The following USP54 variants were observed in gnomAD, a reference collection of about 807,000 sequenced individuals.
USP54 encodes ubiquitin carboxyl-terminal hydrolase 54.
USP54 carries 87 observed loss-of-function variants against 170.5 expected under a neutral mutation model. The observed-to-expected ratio is 0.51, with a 90% CI of 0.43 to 0.61. The LOEUF (loss-of-function observed/expected upper bound fraction) is 0.61. USP54 is among the 20% of genes least tolerant of loss of function. The pLI, the probability that USP54 is intolerant of heterozygous loss-of-function variation, is 0.00. For missense variants in USP54, 1,786 were observed against 2,047.8 expected, an observed-to-expected ratio of 0.87 and a Z score of 2.47; for synonymous variants, 655 against 742.8, an observed-to-expected ratio of 0.88 and a Z score of 1.92.
At chr10:73,564,328 C>G (rs909927638) in intron 4 of USP54, among the ~76,000 whole-genome samples, 3 of 152,136 alleles carry the variant, frequency 2.0e-5, no homozygotes, top group African/African-American at 7.2e-5. Context: ...ACTTTTGGTA[C>G]GGTATGAAAT....
intron 1 of USP54, among the ~76,000 whole-genome samples, chr10:73,606,751 C>T (rs1367539728): frequency 1.3e-5 from 2 of 151,746 alleles, no homozygotes; most frequent in Non-Finnish European, 2.9e-5. Flanking sequence ...TGGTGGCGGG[C>T]ACCTGCAGTC....
chr10:73,600,703 T>C (rs902363019), intron 1 of USP54, among the ~76,000 whole-genome samples: 2 of 152,104 alleles, frequency 1.3e-5, no homozygotes, highest in African/African-American at 4.8e-5. Context: ...CACCTGAGGT[T>C]AAGAGTTCGA....
intron 1 of USP54, among the ~76,000 whole-genome samples, chr10:73,590,313 C>T (rs531894672): frequency 5.3e-5 from 8 of 152,196 alleles, no homozygotes; most frequent in South Asian, 2.1e-4. Flanking sequence ...CATTACTGTA[C>T]GAATACAACC....
intron 4 of USP54, among the ~76,000 whole-genome samples, chr10:73,564,832 G>A (rs911441690): frequency 1.3e-5 from 2 of 151,126 alleles, no homozygotes; most frequent in African/African-American, 2.4e-5. Context: ...AGAGGCCAAG[G>A]TGGGAAGATG....
chr10:73,622,473 A>G (rs1479774570), intron 1 of USP54, among the ~76,000 whole-genome samples: 1 of 151,962 alleles, frequency 6.6e-6, no homozygotes, highest in Non-Finnish European at 1.5e-5. Context: ...ACTGGCAGGC[A>G]TCACCATGCC....
rs987495823 is a variant in USP54, at chr10:73,523,702, A to G, written c.2243T>C (p.Val748Ala). 2.5e-6 allele frequency: 4 copies of G among 1,613,552 alleles called. No individual in the cohort carries two copies. Among genetic ancestry groups the G allele is most frequent in the African/African-American group, 1.3e-5 (1 of 74,952 alleles). The change falls in exon 17 of 24, where the codon GTG becomes GCG. Residue 748 changes from valine to alanine, a missense_variant. This residue lies in a region of USP54 where 1,418 missense variants were observed against 1,569.0 expected (regional missense o/e 0.90). Transcript: ENST00000687698. ...TTCCTGTTCCTGCGCCCTCCTGGCC[A>G]CCTCTTCCTGCAATTCATCCAGTTC... ...KSELDELQEEVARRAQEQELR... is the reference protein window; with the variant it reads ...KSELDELQEEAARRAQEQELR...
At chr10:73,505,674 C>A (rs988239922) in intron 20 of USP54, 1 of 295,892 alleles carries the variant, frequency 3.4e-6, no homozygotes, top group Admixed American at 5.0e-5. Flanking sequence ...ATCGAGACCA[C>A]CCTGGCTAAC....
intron 20 of USP54, chr10:73,515,743 T>G (rs2060953637): frequency 6.6e-6 from 1 of 152,014 alleles, no homozygotes; most frequent in South Asian, 2.1e-4. Context: ...CATTTCATGC[T>G]GTCATGCTGA....
intron 22 of USP54, 100 bp downstream of exon 22, chr10:73,504,750 C>T: frequency 6.6e-7 from 1 of 1,521,576 alleles, no homozygotes; most frequent in Non-Finnish European, 9.0e-7. Context: ...CCTTTCCTCA[C>T]ATTACAACCT....
At chr10:73,554,174 G>C (rs191083583) in intron 4 of USP54, among the ~76,000 whole-genome samples, 36 of 152,296 alleles carry the variant, frequency 2.4e-4, no homozygotes, top group African/African-American at 7.9e-4. Context: ...TGAGGATTAA[G>C]GAGAAAGGTT....
At chr10:73,585,882 G>A (rs1458981022) in intron 1 of USP54, among the ~76,000 whole-genome samples, 2 of 152,044 alleles carry the variant, frequency 1.3e-5, no homozygotes, top group Admixed American at 6.6e-5. Flanking sequence ...TTAGCTGGGC[G>A]TGGTGGCGCG....
chr10:73,590,917 A>T (rs981166643), intron 1 of USP54, among the ~76,000 whole-genome samples: 17 of 152,180 alleles, frequency 1.1e-4, no homozygotes, highest in Non-Finnish European at 1.8e-4. Flanking sequence ...AATCACAAAT[A>T]ACCTTCTTCT....
rs1225168500 is a variant in USP54 at position 73,498,113 on chromosome 10, G to A, written c.*516C>T. 1 of 152,384 alleles carries A rather than the reference G, an allele frequency of 6.6e-6. No individual in the cohort carries two copies. Among genetic ancestry groups the A allele is most frequent in the Non-Finnish European group, 1.5e-5 (1 of 68,252 alleles). The allele number at this position is 152,384 out of a possible 1,614,324, so 9.4% of individuals were successfully genotyped here. A position where few individuals can be genotyped will look rare whatever the true frequency, so the allele number is the denominator to read the frequency against. On this transcript the variant is annotated 3_prime_UTR_variant, in exon 24 of 24. Coordinates refer to ENST00000687698, the MANE Select transcript of USP54 (RefSeq NM_001391956.1). ...AGCAGCTGCTTCCTTTTGCTAGGGG[G>A]AATGGAAGTTGGAATTTCAAATATC...
At chr10:73,624,985 GTTT>G (rs1167565926) in intron 1 of USP54, among the ~76,000 whole-genome samples, 1 of 152,134 alleles carries the variant, frequency 6.6e-6, no homozygotes, top group East Asian at 1.9e-4. Flanking sequence ...AAAAAAAATT[GTTT>G]TTTAAGTTAC....
intron 4 of USP54, among the ~76,000 whole-genome samples, chr10:73,549,591 G>A (rs1269660837): frequency 6.6e-6 from 1 of 151,938 alleles, no homozygotes; most frequent in Non-Finnish European, 1.5e-5. Flanking sequence ...CAATCTACAG[G>A]CAAATCCCCT....
intron 20 of USP54, among the ~76,000 whole-genome samples, chr10:73,511,123 G>A (rs1021986329): frequency 3.8e-5 from 5 of 130,596 alleles, no homozygotes; most frequent in African/African-American, 1.5e-4. Context: ...TTTTGAGACA[G>A]GGTCTCCCTC....
chr10:73,541,534 T>C lies in USP54; in HGVS notation c.679-13A>G, dbSNP rs2066598682. The C allele has an allele frequency of 6.8e-6, 11 of 1,614,074 alleles. No individual in the cohort carries two copies. The highest frequency in any genetic ancestry group is 9.3e-6 in the Non-Finnish European group (11 of 1,179,968). The stretch of plus-strand genomic sequence containing the variant: ...CTCCACAGTTGCTCTGAAATACATA[T>C]ATAAGGCTAGTTCAACATGTTTCCC... On this transcript the variant is annotated splice_polypyrimidine_tract_variant and intron_variant, in intron 8 of 23. Transcript: ENST00000687698.
chr10:73,569,936 A>AAAAAAAAAAAAAAAAC, intron 4 of USP54, among the ~76,000 whole-genome samples: 1 of 135,670 alleles, frequency 7.4e-6, no homozygotes, highest in African/African-American at 3.0e-5. Flanking sequence ...AAAAAAAAAA[A>AAAAAAAAAAAAAAAAC]AAAACACCCT....
At chr10:73,543,172 A>G (rs2066987295) in intron 5 of USP54, 41 bp from the exon 6 acceptor site, 1 of 1,350,362 alleles carries the variant, frequency 7.4e-7, no homozygotes, top group African/African-American at 1.4e-5. Context: ...AACAATATTT[A>G]ATAGACAAAT....
Sources: gnomAD v4.1 joint callset for allele counts (sites outside exome capture counted in the v4.1 genomes callset) on GRCh38, gnomAD v4.1.1 for gene constraint, gnomAD v4.1.1 regional missense constraint, MANE v1.5 for transcripts, NCBI Gene and HGNC (gene_info 2026-07-23, HGNC 2026-07-21) for gene names.